The following BRAF variants were observed in gnomAD, a reference collection of about 807,000 sequenced individuals.
BRAF encodes serine/threonine-protein kinase B-raf.
In BRAF, 16 loss-of-function variants were observed where a neutral mutation model predicts 104.6. The observed-to-expected ratio is 0.15, with a 90% CI of 0.10 to 0.23. The LOEUF is 0.23. Ranked by LOEUF, BRAF falls within the 10% of genes least tolerant of loss-of-function variation. The probability of loss-of-function intolerance (pLI) is 1.00; values close to 1 mark genes in which losing one functional copy is unlikely to be tolerated. For synonymous variants in BRAF, 310 were observed against 341.6 expected (o/e 0.91, Z 1.02); for missense variants, 541 against 937.3 (o/e 0.58, Z 5.52).
In BRAF at chr7:140,798,272, C is replaced by CTT. The variant is rs10525418; in HGVS notation, c.980+2088_980+2089dup. On this transcript the variant is annotated intron_variant, in intron 7 of 19. Coordinates refer to ENST00000644969, the MANE Select transcript of BRAF (RefSeq NM_001374258.1). ...AATGCTGTATGGGGACTTTTTTTTT[C>CTT]TTTTTTTTGAGACGGAGTCTTGCTC... Among the ~76,000 whole-genome samples the CTT allele has an allele frequency of 2.9e-4, 34 of 115,614 alleles. No homozygotes were observed. In the South Asian group the frequency reaches 4.6e-3, roughly 16 times the overall value. 75.8% of individuals were successfully genotyped at this position (115,614 alleles called of 152,430 possible).
In BRAF at chr7:140,781,612, C is replaced by T. The variant is rs121913353; in HGVS notation, c.1516G>A (p.Gly506Arg). 1.2e-6 allele frequency: 2 copies of T among 1,614,074 alleles called. No individual in the cohort carries two copies. The highest frequency in any genetic ancestry group is 1.7e-6 in the Non-Finnish European group (2 of 1,179,994). The change falls in exon 12 of 20, where the codon GGA (glycine) becomes AGA (arginine). Residue 506 changes from glycine to arginine, a missense_variant. Around this residue, in one of 10 missense-constraint regions of BRAF, gnomAD observed 109 missense variants for 143.9 expected, o/e 0.76. Coordinates refer to ENST00000644969, the MANE Select transcript of BRAF (RefSeq NM_001374258.1). ...CCCTTGTAGACTGTTCCAAATGATCCAGATCCAATTCTTTGTCCCACTGTA... is the reference window on the plus strand; with the variant it reads ...CCCTTGTAGACTGTTCCAAATGATCTAGATCCAATTCTTTGTCCCACTGTA... ...QITVGQRIGS[G>R]SFGTVYKGKW...
In BRAF at chr7:140,829,187, GT is replaced by G. The variant is rs142744497; in HGVS notation, c.504+5421del. ...TATACAGACTATTGACTCTGTTAAG[GT>G]TTTTTTTTTGTGGGGGGGGGCATAC... On this transcript the variant is annotated intron_variant, in intron 3 of 19. Coordinates refer to ENST00000644969, the MANE Select transcript of BRAF (RefSeq NM_001374258.1). Among the ~76,000 whole-genome samples, 86 of 110,730 alleles carry G rather than the reference GT, an allele frequency of 7.8e-4. 1 individual carries two copies. Among genetic ancestry groups the G allele is most frequent in the African/African-American group, 2.0e-3 (73 of 36,364 alleles). The allele number at this position is 110,730 out of a possible 152,430, so 72.6% of individuals were successfully genotyped here.
chr7:140,784,223 A>G lies in BRAF; in HGVS notation c.1298-1066T>C, dbSNP rs556576647. ...ACAAGGATACCAATAACCACATTTA[A>G]ATGTTTAATCTGTAGAAAATGTTTA... On this transcript the variant is annotated intron_variant, in intron 10 of 19. Coordinates refer to ENST00000644969, the MANE Select transcript of BRAF (RefSeq NM_001374258.1). Among the ~76,000 whole-genome samples the G allele has an allele frequency of 2.6e-5, 4 of 152,344 alleles. No homozygotes were observed. The South Asian group carries it at 8.3e-4, about 32-fold the overall frequency.
chr7:140,735,334 T>C (rs897272298), intron 18 of BRAF, among the ~76,000 whole-genome samples: 10 of 152,232 alleles, frequency 6.6e-5, no homozygotes, highest in East Asian at 3.9e-4. Flanking sequence ...AGAGCAAAGA[T>C]AGGAGAACTC....
At chr7:140,827,876 C>T (rs1379869218) in intron 3 of BRAF, among the ~76,000 whole-genome samples, 1 of 152,176 alleles carries the variant, frequency 6.6e-6, no homozygotes, top group Admixed American at 6.5e-5. Context: ...TAACATTTTA[C>T]TGATGGACAC....
chr7:140,723,525 A>G lies in BRAF; in HGVS notation c.*2969T>C. On this transcript the variant is annotated 3_prime_UTR_variant, in exon 20 of 20. Coordinates refer to ENST00000644969, the MANE Select transcript of BRAF (RefSeq NM_001374258.1). ...TTAAGGTGCACATTAACAACAAATGATCACACTGAATTTTCTATTCACAAA... is the reference window on the plus strand; with the variant it reads ...TTAAGGTGCACATTAACAACAAATGGTCACACTGAATTTTCTATTCACAAA... 9.5e-7 allele frequency: 1 copy of G among 1,052,042 alleles called. No individual in the cohort carries two copies. The highest frequency in any genetic ancestry group is 1.1e-6 in the Non-Finnish European group (1 of 871,076). The allele number at this position is 1,052,042 out of a possible 1,614,324, so 65.2% of individuals were successfully genotyped here.
intron 18 of BRAF, among the ~76,000 whole-genome samples, chr7:140,738,782 A>G (rs1053250373): frequency 2.0e-5 from 3 of 151,916 alleles, no homozygotes; most frequent in African/African-American, 7.3e-5. Flanking sequence ...ATGCCCAGCT[A>G]ATTTTTGTAT....
Position 140,721,849 on chromosome 7 carries a change from G to C in BRAF, c.*4645C>G. The C allele has an allele frequency of 7.5e-7, 1 of 1,332,104 alleles. No individual in the cohort carries two copies. Among genetic ancestry groups the C allele is most frequent in the Non-Finnish European group, 9.6e-7 (1 of 1,044,280 alleles). The allele number at this position is 1,332,104 out of a possible 1,614,324, so 82.5% of individuals were successfully genotyped here. On this transcript the variant is annotated 3_prime_UTR_variant, in exon 20 of 20. Coordinates refer to ENST00000644969, the MANE Select transcript of BRAF (RefSeq NM_001374258.1). The stretch of plus-strand genomic sequence containing the variant: ...TGAGACCTCCACCCTGGCCCCCACA[G>C]CGCTTTGGGACAGGATGACTAACGC...
chr7:140,747,527 T>C (rs1797452300), intron 17 of BRAF: 1 of 541,298 alleles, frequency 1.8e-6, no homozygotes, highest in South Asian at 1.8e-5. Context: ...TGTTTCTATA[T>C]TATAATTTTA....
chr7:140,726,646 A>AT, intron 19 of BRAF: 1 of 827,250 alleles, frequency 1.2e-6, no homozygotes, highest in Non-Finnish European at 1.9e-6. Flanking sequence ...CAGCATTGCT[A>AT]ATTTAAAAGC....
chr7:140,799,389 A>G (rs1802853796), intron 7 of BRAF: 1 of 232,372 alleles, frequency 4.3e-6, no homozygotes, highest in Non-Finnish European at 8.5e-6. Flanking sequence ...TTTTTTCTTT[A>G]AAGCCATTTT....
intron 1 of BRAF, among the ~76,000 whole-genome samples, chr7:140,856,530 G>A (rs553215586): frequency 6.6e-6 from 1 of 152,204 alleles, no homozygotes; most frequent in African/African-American, 2.4e-5. Context: ...ATATAAAGAA[G>A]AAGCATGAGG....
At chr7:140,742,361 T>C (rs771628771) in intron 17 of BRAF, among the ~76,000 whole-genome samples, 1 of 152,012 alleles carries the variant, frequency 6.6e-6, no homozygotes, top group Non-Finnish European at 1.5e-5. Flanking sequence ...CTGGCTAATG[T>C]TTCCATTTTT....
At chr7:140,810,354 A>C (rs1293860836) in intron 3 of BRAF, among the ~76,000 whole-genome samples, 6 of 152,144 alleles carry the variant, frequency 3.9e-5, no homozygotes, top group Admixed American at 3.9e-4. Context: ...GGATCATTTG[A>C]GGTCAGGAGT....
intron 1 of BRAF, among the ~76,000 whole-genome samples, chr7:140,908,157 ATC>A (rs1461078691): frequency 3.3e-5 from 5 of 152,088 alleles, no homozygotes; most frequent in Non-Finnish European, 7.4e-5. Context: ...GATTTTATAG[ATC>A]TGTTTCTGCT....
intron 11 of BRAF, among the ~76,000 whole-genome samples, chr7:140,782,089 G>A (rs1010598570): frequency 6.6e-6 from 1 of 152,008 alleles, no homozygotes; most frequent in South Asian, 2.1e-4. Context: ...GTCCCAGTGT[G>A]TGATGTTCCC....
At chr7:140,782,988 A>T in intron 11 of BRAF, 33 bp downstream of exon 10, 1 of 1,610,464 alleles carries the variant, frequency 6.2e-7, no homozygotes, top group Non-Finnish European at 8.5e-7. Context: ...AGAAGAAAGA[A>T]TTCAGAGAAA....
At chr7:140,903,250 G>A (rs1468715127) in intron 1 of BRAF, among the ~76,000 whole-genome samples, 2 of 152,056 alleles carry the variant, frequency 1.3e-5, no homozygotes, top group Non-Finnish European at 2.9e-5. Flanking sequence ...TCTTATTAGA[G>A]GCTAATGCAG....
Position 140,794,341 on chromosome 7 carries a change from C to G in BRAF, c.1107G>C (p.Val369=), listed in dbSNP as rs375568418. 6.2e-7 allele frequency: 1 copy of G among 1,613,896 alleles called. No homozygotes were observed. The highest frequency in any genetic ancestry group is 2.2e-5 in the East Asian group (1 of 44,866). Residue 369 remains valine (V), a synonymous_variant, in exon 8 of 20, where the codon GTG becomes GTC. Coordinates refer to ENST00000644969, the MANE Select transcript of BRAF (RefSeq NM_001374258.1). ...QRDRSSSAPN[V]HINTIEPVNI... is the part of the protein sequence containing the mutation. ...TGACAGGTTCTATTGTGTTTATATGCACATTGGGAGCTGATGAGGATCGGT... is the reference window on the plus strand; with the variant it reads ...TGACAGGTTCTATTGTGTTTATATGGACATTGGGAGCTGATGAGGATCGGT...
Sources: allele counts gnomAD v4.1 joint callset (sites outside exome capture counted in the v4.1 genomes callset), GRCh38; gene constraint gnomAD v4.1.1; regional missense constraint gnomAD v4.1.1; transcripts MANE v1.5; gene names NCBI Gene and HGNC (gene_info 2026-07-23, HGNC 2026-07-21).